INSYN1: variants seen among roughly 807,000 people sequenced by gnomAD.
INSYN1 encodes inhibitory synaptic factor 1, also known as UPF0583 protein C15orf59.
INSYN1 carries 7 observed loss-of-function variants against 17.1 expected under a neutral mutation model. That is an observed-to-expected ratio of 0.41 (90% confidence interval 0.23 to 0.77). The LOEUF is 0.77. INSYN1 is among the 30% of genes least tolerant of loss of function. The pLI, the probability that INSYN1 is intolerant of heterozygous loss-of-function variation, is 0.32. For missense variants in INSYN1, 339 were observed against 400.6 expected (o/e 0.85, Z 1.31); for synonymous variants, 174 against 166.3 (o/e 1.05, Z -0.36).
At chr15:73,740,890 G>A (rs1901675862) in intron 2 of INSYN1, among the ~76,000 whole-genome samples, 1 of 152,190 alleles carries the variant, frequency 6.6e-6, no homozygotes, top group Non-Finnish European at 1.5e-5. Context: ...ACTGTTCAGT[G>A]CCCTGGGGGA....
intron 2 of INSYN1, among the ~76,000 whole-genome samples, chr15:73,746,025 C>CT (rs111361068): frequency 0.012 from 1,734 of 150,172 alleles, 49 homozygotes; most frequent in African/African-American, 0.04. Flanking sequence ...CCTGTACCCC[C>CT]GGACCCCCCA....
rs56862635 is a variant in INSYN1 at position 73,740,702 on chromosome 15, T to C, written c.157-60A>G. ...CAGGTGGGTCCCTGCATCAGCCAGG[T>C]GTGAGTGTGTCTCCACCCCATCCCT... On this transcript the variant is annotated intron_variant, in intron 2 of 2. Coordinates refer to ENST00000569673, the MANE Select transcript of INSYN1 (RefSeq NM_001039614.3). 4.0e-3 allele frequency: 5,374 copies of C among 1,339,262 alleles called. 139 individuals carry two copies. The African/African-American group carries it at 0.064, about 16-fold the overall frequency. 83.0% of individuals were successfully genotyped at this position (1,339,262 alleles called of 1,614,324 possible). A position where few individuals can be genotyped will look rare whatever the true frequency, so the allele number is the denominator to read the frequency against.
Position 73,751,303 on chromosome 15 carries a change from C to G in INSYN1, c.-173G>C. 1.5e-6 allele frequency: 1 copy of G among 669,966 alleles called. No individual in the cohort carries two copies. Among genetic ancestry groups the G allele is most frequent in the South Asian group, 1.8e-5 (1 of 54,378 alleles). 41.5% of individuals were successfully genotyped at this position (669,966 alleles called of 1,614,324 possible). On this transcript the variant is annotated 5_prime_UTR_variant, in exon 2 of 3. Coordinates refer to ENST00000569673, the MANE Select transcript of INSYN1 (RefSeq NM_001039614.3). ...CCCCTGCCCCCTGCCACCCAGCCTCCTCTGCCTCTGGGTGGAGAGTGGGAC... is the reference window on the plus strand; with the variant it reads ...CCCCTGCCCCCTGCCACCCAGCCTCGTCTGCCTCTGGGTGGAGAGTGGGAC...
rs1432746395 is a variant in INSYN1 at position 73,751,277 on chromosome 15, G to GCCCCTGC, written c.-154_-148dup. 1.1e-6 allele frequency: 1 copy of GCCCCTGC among 873,400 alleles called. No homozygotes were observed. The highest frequency in any genetic ancestry group is 1.7e-6 in the Non-Finnish European group (1 of 576,592). The allele number at this position is 873,400 out of a possible 1,614,324, so 54.1% of individuals were successfully genotyped here. A position where few individuals can be genotyped will look rare whatever the true frequency, so the allele number is the denominator to read the frequency against. On this transcript the variant is annotated 5_prime_UTR_variant, in exon 2 of 3. Coordinates refer to ENST00000569673, the MANE Select transcript of INSYN1 (RefSeq NM_001039614.3). The stretch of plus-strand genomic sequence containing the variant: ...CCTGGCCCTGGGCGGCCCTCAACCA[G>GCCCCTGC]CCCCTGCCCCCTGCCACCCAGCCTC...
chr15:73,748,674 C>T lies in INSYN1; in HGVS notation c.156+2301G>A, dbSNP rs1901900419. On this transcript the variant is annotated intron_variant, in intron 2 of 2. Coordinates refer to ENST00000569673, the MANE Select transcript of INSYN1 (RefSeq NM_001039614.3). ...AGCAGGGAGATTCCAACCCTTTTCT[C>T]CAAACCGGGGTCTGGCACCCCCCCT... is the stretch of plus-strand genomic sequence containing the variant. 2.0e-5 allele frequency among the ~76,000 whole-genome samples: 3 copies of T among 152,344 alleles called. No homozygotes were observed. In the South Asian group the frequency reaches 6.2e-4, roughly 32 times the overall value.
intron 2 of INSYN1, among the ~76,000 whole-genome samples, chr15:73,749,301 A>AT (rs1673418780): frequency 2.0e-5 from 3 of 152,112 alleles, no homozygotes; most frequent in African/African-American, 7.2e-5. Flanking sequence ...ACAAGCCCCT[A>AT]TTGCTCTCTG....
At position 73,740,046 on chromosome 15, in the gene INSYN1, G is replaced by C. The variant is rs1451661173; in HGVS notation, c.753C>G (p.Gly251=). Residue 251 remains glycine (G), a synonymous_variant, in exon 3 of 3, where the codon GGC becomes GGG. Transcript: ENST00000569673. ...RRSPLTSRHS[G]STLAPEQTRR... ...GAGTCTGTTCAGGGGCCAAGGTAGA[G>C]CCTGAGTGGCGGCTGGTCAGTGGAG... The C allele has an allele frequency of 1.2e-6, 2 of 1,613,754 alleles. No homozygotes were observed. The highest frequency in any genetic ancestry group is 2.2e-5 in the South Asian group (2 of 91,074).
At chr15:73,741,604 G>A (rs1465500332) in intron 2 of INSYN1, among the ~76,000 whole-genome samples, 1 of 152,152 alleles carries the variant, frequency 6.6e-6, no homozygotes, top group Non-Finnish European at 1.5e-5. Context: ...ACAGGGATGG[G>A]ACAGGGCAAG....
Position 73,737,292 on chromosome 15 carries a change from T to C in INSYN1, c.*2625A>G, listed in dbSNP as rs954290865. ...CTGAAAGTGCTCTTGCCATGACAGA[T>C]GAAATGCAAGCCTCAGAGGGAGAAC... is the stretch of plus-strand genomic sequence containing the variant. On this transcript the variant is annotated 3_prime_UTR_variant, in exon 3 of 3. Coordinates refer to ENST00000569673, the MANE Select transcript of INSYN1 (RefSeq NM_001039614.3). 5 of 152,198 alleles carry C rather than the reference T, an allele frequency of 3.3e-5. No individual in the cohort carries two copies. Among genetic ancestry groups the C allele is most frequent in the Non-Finnish European group, 7.3e-5 (5 of 68,048 alleles). 9.4% of individuals were successfully genotyped at this position (152,198 alleles called of 1,614,324 possible).
rs1902029554 is a variant in INSYN1 at position 73,752,921 on chromosome 15, A to AGAGGAGGCGAGAAGAGGCGAGGG, written c.-1402_-1380dup. Among the ~76,000 whole-genome samples, 1 of 140,552 alleles carries AGAGGAGGCGAGAAGAGGCGAGGG rather than the reference A, an allele frequency of 7.1e-6. No individual in the cohort carries two copies. Among genetic ancestry groups the AGAGGAGGCGAGAAGAGGCGAGGG allele is most frequent in the African/African-American group, 2.6e-5 (1 of 37,904 alleles). The allele number at this position is 140,552 out of a possible 152,430, so 92.2% of individuals were successfully genotyped here. A position where few individuals can be genotyped will look rare whatever the true frequency, so the allele number is the denominator to read the frequency against. ...GGAGCAGCGCCGGGCGGAGGAGAGGAGAGGAGGCGAGAAGAGGCGAGGGGA... is the reference window on the plus strand; with the variant it reads ...GGAGCAGCGCCGGGCGGAGGAGAGGAGAGGAGGCGAGAAGAGGCGAGGGGAGGAGGCGAGAAGAGGCGAGGGGA... On this transcript the variant is annotated 5_prime_UTR_variant, in exon 1 of 3. Transcript: ENST00000569673. The surrounding 1 kb of genome is among the most constrained non-coding windows in gnomAD (Gnocchi z 5.2).
intron 2 of INSYN1, among the ~76,000 whole-genome samples, chr15:73,748,670 T>G (rs1901900212): frequency 1.3e-5 from 2 of 152,190 alleles, no homozygotes; most frequent in Non-Finnish European, 2.9e-5. Flanking sequence ...TCCAACCCTT[T>G]TCTCCAAACC....
intron 2 of INSYN1, among the ~76,000 whole-genome samples, chr15:73,749,280 T>C (rs1221646337): frequency 6.6e-6 from 1 of 152,182 alleles, no homozygotes; most frequent in African/African-American, 2.4e-5. Context: ...TGGTAGGCTG[T>C]GTAACCTTGG....
rs914924324 is a variant in INSYN1 at position 73,751,347 on chromosome 15, T to A, written c.-217A>T. The A allele has an allele frequency of 1.7e-6, 1 of 577,200 alleles. No homozygotes were observed. The highest frequency in any genetic ancestry group is 3.1e-6 in the Non-Finnish European group (1 of 324,178). 35.8% of individuals were successfully genotyped at this position (577,200 alleles called of 1,614,324 possible). Reference sequence around the variant, plus strand: ...GTGGGACACCCAGAGGGAGACAGAGTCTAGCAGAGGGGGTCAAGGTGAGGA... The same window carrying A: ...GTGGGACACCCAGAGGGAGACAGAGACTAGCAGAGGGGGTCAAGGTGAGGA... On this transcript the variant is annotated 5_prime_UTR_variant, in exon 2 of 3. Coordinates refer to ENST00000569673, the MANE Select transcript of INSYN1 (RefSeq NM_001039614.3).
chr15:73,740,427 G>A lies in INSYN1; in HGVS notation c.372C>T (p.Ser124=), dbSNP rs149521207. 1.5e-5 allele frequency: 25 copies of A among 1,613,370 alleles called. No homozygotes were observed. The highest frequency in any genetic ancestry group is 2.7e-5 in the African/African-American group (2 of 75,042). The stretch of plus-strand genomic sequence containing the variant: ...GCCGAGTCGACTCGGGACCATCCAC[G>A]GAGTCCGAGGGGGTAGAGACGTCCA... ...SFLDVSTPSD[S]VDGPESTRPG... The change falls in exon 3 of 3, where the codon TCC becomes TCT. Residue 124 remains serine, a synonymous_variant. Coordinates refer to ENST00000569673, the MANE Select transcript of INSYN1 (RefSeq NM_001039614.3).
chr15:73,739,838 AATATATATATAT>A lies in INSYN1; in HGVS notation c.*67_*78del, dbSNP rs71650721. On this transcript the variant is annotated 3_prime_UTR_variant, in exon 3 of 3. Transcript: ENST00000569673. Reference sequence around the variant, plus strand: ...ATTTTATTATGACTTCATTTGTTTAAATATATATATATATATATATATATATATATTTATTTA... The same window carrying A: ...ATTTTATTATGACTTCATTTGTTTAAATATATATATATATATATTTATTTA... 4 of 144,708 alleles carry A rather than the reference AATATATATATAT, an allele frequency of 2.8e-5. No individual in the cohort carries two copies. Among genetic ancestry groups the A allele is most frequent in the Non-Finnish European group, 4.0e-5 (3 of 75,848 alleles). 9.0% of individuals were successfully genotyped at this position (144,708 alleles called of 1,614,324 possible).
intron 2 of INSYN1, among the ~76,000 whole-genome samples, chr15:73,742,584 C>G (rs777292208): frequency 2.6e-5 from 4 of 152,132 alleles, no homozygotes; most frequent in Admixed American, 6.5e-5. Context: ...AGAATCTCCC[C>G]CTGCGGCCCC....
At chr15:73,747,257 C>T (rs1206201062) in intron 2 of INSYN1, among the ~76,000 whole-genome samples, 1 of 152,102 alleles carries the variant, frequency 6.6e-6, no homozygotes, top group African/African-American at 2.4e-5. Context: ...ATTGGAGACC[C>T]CCTTCCTGCC....
In INSYN1 at chr15:73,739,954, T is replaced by C; in HGVS notation, c.845A>G (p.Tyr282Cys). ...SDKSTQTVLP[Y>C]TATRQKARGK... is the part of the protein sequence containing the mutation. ...CCTGGCTTTCTGTCTAGTGGCTGTG[T>C]AGGGCAGAACCGTCTGCGTGCTCTT... The change falls in exon 3 of 3, where the codon TAC becomes TGC. Residue 282 changes from tyrosine to cysteine, a missense_variant. Transcript: ENST00000569673. 6.3e-7 allele frequency: 1 copy of C among 1,591,466 alleles called. No individual in the cohort carries two copies. The highest frequency in any genetic ancestry group is 1.1e-5 in the South Asian group (1 of 90,324).
chr15:73,744,241 ACTGTGGCAGAATTTCCAGTGC>A (rs1422742661), intron 2 of INSYN1, among the ~76,000 whole-genome samples: 2 of 152,196 alleles, frequency 1.3e-5, no homozygotes, highest in Admixed American at 6.5e-5. Flanking sequence ...GGGTCCAGTG[ACTGTGGCAGAATTTCCAGTGC>A]CTGTGGCAGA....
Sources: gnomAD v4.1 joint callset for allele counts (sites outside exome capture counted in the v4.1 genomes callset) on GRCh38, gnomAD v4.1.1 for gene constraint, Gnocchi (gnomAD v3.1) non-coding constraint, MANE v1.5 for transcripts, NCBI Gene and HGNC (gene_info 2026-07-23, HGNC 2026-07-21) for gene names.